RUFY4: variants seen among roughly 807,000 people sequenced by gnomAD.
The protein encoded by RUFY4 is RUN and FYVE domain-containing protein 4.
In RUFY4, 73 loss-of-function variants were observed where a neutral mutation model predicts 69.0. That is an observed-to-expected ratio of 1.06 (90% confidence interval 0.88 to 1.29). The LOEUF (loss-of-function observed/expected upper bound fraction) is 1.29. RUFY4 is among the 50% of genes most tolerant of loss of function. The probability of loss-of-function intolerance (pLI) is 0.00; values close to 1 mark genes in which losing one functional copy is unlikely to be tolerated. For missense variants in RUFY4, 770 were observed against 705.6 expected, an observed-to-expected ratio of 1.09 and a Z score of -1.03; for synonymous variants, 287 against 271.8, an observed-to-expected ratio of 1.06 and a Z score of -0.55.
At chr2:218,069,926 C>A (rs763310778), upstream of RUFY4, among the ~76,000 whole-genome samples, 17 of 152,146 alleles carry the variant, frequency 1.1e-4, no homozygotes, top group Non-Finnish European at 2.4e-4. Context: ...GGCAGTATTA[C>A]AACCAGGCGC....
intron 8 of RUFY4, among the ~76,000 whole-genome samples, chr2:218,081,127 T>C (rs950370022): frequency 6.6e-6 from 1 of 152,160 alleles, no homozygotes; most frequent in African/African-American, 2.4e-5. Flanking sequence ...CACCCCCTGA[T>C]TAAAATACTT....
upstream of RUFY4, among the ~76,000 whole-genome samples, chr2:218,067,064 C>T (rs1689351229): frequency 6.6e-6 from 1 of 152,246 alleles, no homozygotes; most frequent in African/African-American, 2.4e-5. Context: ...GTCACCGTCT[C>T]TGTGAGATGA....
chr2:218,045,836 G>T (rs986001705), intron 2 of RUFY4, among the ~76,000 whole-genome samples: 2 of 148,788 alleles, frequency 1.3e-5, no homozygotes, highest in Admixed American at 6.7e-5. Flanking sequence ...GCGGAGTCTC[G>T]CTCTGTTGCC....
chr2:218,066,454 C>T (rs111619070), upstream of RUFY4, among the ~76,000 whole-genome samples: 3,204 of 152,280 alleles, frequency 0.021, 107 homozygotes, highest in African/African-American at 0.068. Flanking sequence ...GGATTACAGG[C>T]GTGAGCCACC....
chr2:218,048,276 T>C (rs1212434117), intron 2 of RUFY4, among the ~76,000 whole-genome samples: 1 of 152,198 alleles, frequency 6.6e-6, no homozygotes, highest in Non-Finnish European at 1.5e-5. Context: ...TGCCCACTTT[T>C]TAGTGGGGTT....
intron 8 of RUFY4, among the ~76,000 whole-genome samples, chr2:218,077,043 A>C (rs997845565): frequency 1.3e-5 from 2 of 152,002 alleles, no homozygotes; most frequent in African/African-American, 4.8e-5. Flanking sequence ...TCTGCGTAAC[A>C]CCCTTATGAG....
chr2:218,079,159 G>A (rs1194915474), intron 8 of RUFY4, among the ~76,000 whole-genome samples: 1 of 152,150 alleles, frequency 6.6e-6, no homozygotes, highest in East Asian at 1.9e-4. Context: ...ATGAGCCACG[G>A]TGCCCGGCTT....
At chr2:218,043,741 C>T (rs371275650) in intron 2 of RUFY4, among the ~76,000 whole-genome samples, 2 of 152,226 alleles carry the variant, frequency 1.3e-5, no homozygotes, top group East Asian at 3.8e-4. Context: ...GCAGCCCAGC[C>T]CCCAGACTTT....
intron 3 of RUFY4, chr2:218,060,097 A>T (rs1351438294): frequency 5.8e-6 from 2 of 345,976 alleles, no homozygotes; most frequent in Admixed American, 8.8e-5. Flanking sequence ...CATGAGCTCA[A>T]GGGCAGGAGG....
At chr2:218,069,869 C>T (rs1233409289), upstream of RUFY4, among the ~76,000 whole-genome samples, 1 of 152,138 alleles carries the variant, frequency 6.6e-6, no homozygotes, top group African/African-American at 2.4e-5. Context: ...CTCTGGGCCC[C>T]AGGACCCATG....
chr2:218,090,125 G>A (rs1054040508), exon 11 of RUFY4: 33 of 914,784 alleles, frequency 3.6e-5, no homozygotes, highest in African/African-American at 2.0e-4. Context: ...CTCCCTGCCC[G>A]TAGCTCTTCC....
chr2:218,089,628 T>C lies in RUFY4; in HGVS notation c.1613+266T>C. On this transcript the variant is annotated intron_variant, in intron 10 of 10. Coordinates refer to ENST00000344321, the Ensembl canonical transcript of RUFY4. ...AGCCGATTGAGAAATGGGCCTCTCA[T>C]CTGGAAGGGAGCATCTGTACAGCGT... 5 of 695,812 alleles carry C rather than the reference T, an allele frequency of 7.2e-6. No individual in the cohort carries two copies. In the South Asian group the frequency reaches 7.5e-5, roughly 10 times the overall value. The allele number at this position is 695,812 out of a possible 1,614,324, so 43.1% of individuals were successfully genotyped here.
chr2:218,078,406 G>A (rs1327622014), intron 8 of RUFY4, among the ~76,000 whole-genome samples: 1 of 152,188 alleles, frequency 6.6e-6, no homozygotes, highest in Non-Finnish European at 1.5e-5. Flanking sequence ...GGCCCTGATG[G>A]AGGACGGGCA....
chr2:218,090,048 C>T, exon 11 of RUFY4: 1 of 1,540,306 alleles, frequency 6.5e-7, no homozygotes, highest in African/African-American at 1.4e-5. Flanking sequence ...AAGCCCAGGT[C>T]ACCTGACCAA....
At chr2:218,083,370 T>C in intron 9 of RUFY4, 114 bp downstream of exon 11, 2 of 1,340,922 alleles carry the variant, frequency 1.5e-6, no homozygotes, top group Non-Finnish European at 2.0e-6. Context: ...GTTCTAGACC[T>C]TTTATATAAG....
chr2:218,048,092 G>T (rs956430324), intron 2 of RUFY4, among the ~76,000 whole-genome samples: 1 of 152,134 alleles, frequency 6.6e-6, no homozygotes, highest in South Asian at 2.1e-4. Context: ...GCGTATAAGC[G>T]TTCCTTTTTC....
At chr2:218,041,549 C>T (rs1688696549) in intron 2 of RUFY4, among the ~76,000 whole-genome samples, 1 of 148,768 alleles carries the variant, frequency 6.7e-6, no homozygotes, top group African/African-American at 2.5e-5. Context: ...TGAGGGAATG[C>T]AAGAGAGAGG....
chr2:218,060,761 G>T (rs1273470764), intron 3 of RUFY4: 1 of 1,543,558 alleles, frequency 6.5e-7, no homozygotes, highest in Admixed American at 1.7e-5. Context: ...GCGGCACGAT[G>T]AAGCCAAAGG....
intron 3 of RUFY4, among the ~76,000 whole-genome samples, chr2:218,064,154 GT>G (rs954801658): frequency 2.8e-4 from 42 of 152,324 alleles, no homozygotes; most frequent in Admixed American, 3.3e-4. Context: ...CTGCACTGGA[GT>G]TTTGCGGAAA....
Sources: allele counts gnomAD v4.1 joint callset (sites outside exome capture counted in the v4.1 genomes callset), GRCh38; gene constraint gnomAD v4.1.1; transcripts MANE v1.5; gene names NCBI Gene and HGNC (gene_info 2026-07-23, HGNC 2026-07-21).